DYNC2I1: variants seen among roughly 807,000 people sequenced by gnomAD.
DYNC2I1 encodes the protein dynein 2 intermediate chain 1.
A neutral mutation model predicts 133.4 loss-of-function variants in DYNC2I1; 89 were observed. The observed-to-expected ratio is 0.67, with a 90% CI of 0.56 to 0.80. The LOEUF is 0.80. Ranked by LOEUF, DYNC2I1 falls within the 30% of genes least tolerant of loss-of-function variation. The pLI is 0.00. For missense variants in DYNC2I1, 1,291 were observed against 1,314.5 expected (o/e 0.98, Z 0.28); for synonymous variants, 504 against 484.3 (o/e 1.04, Z -0.54).
chr7:158,867,007 G>T (rs973899460), intron 1 of DYNC2I1, among the ~76,000 whole-genome samples: 5 of 145,242 alleles, frequency 3.4e-5, no homozygotes, highest in East Asian at 2.0e-4. Context: ...TTTTTCATTT[G>T]GACTAAATCT....
downstream of DYNC2I1, among the ~76,000 whole-genome samples, chr7:158,949,558 G>A (rs1851991072): frequency 6.6e-6 from 1 of 152,198 alleles, no homozygotes; most frequent in Admixed American, 6.5e-5. Flanking sequence ...GCAGTGCCGT[G>A]GAACGAATCA....
intron 8 of DYNC2I1, among the ~76,000 whole-genome samples, chr7:158,894,753 G>C (rs1339042211): frequency 6.6e-6 from 1 of 152,190 alleles, no homozygotes; most frequent in Non-Finnish European, 1.5e-5. Flanking sequence ...GTTTAGTTTT[G>C]TTGATAAATT....
chr7:158,906,724 C>G (rs1159152525), intron 11 of DYNC2I1, among the ~76,000 whole-genome samples: 1 of 152,144 alleles, frequency 6.6e-6, no homozygotes, highest in Non-Finnish European at 1.5e-5. Context: ...TCCCAAAGTG[C>G]TGGGATTACA....
intron 1 of DYNC2I1, among the ~76,000 whole-genome samples, chr7:158,860,046 T>G (rs1441217179): frequency 6.8e-6 from 1 of 146,530 alleles, no homozygotes; most frequent in Non-Finnish European, 1.5e-5. Context: ...TGGATTATTT[T>G]GGTATTAGAG....
At chr7:158,923,820 T>A in intron 17 of DYNC2I1, 87 bp downstream of exon 17, 1 of 1,511,124 alleles carries the variant, frequency 6.6e-7, no homozygotes, top group Admixed American at 2.2e-5. Context: ...TTTGCATTTA[T>A]TTATTCACAT....
chr7:158,909,287 C>T (rs1016414783), intron 11 of DYNC2I1, among the ~76,000 whole-genome samples: 3 of 136,872 alleles, frequency 2.2e-5, no homozygotes, highest in Admixed American at 8.0e-5. Flanking sequence ...GCTGAGATCG[C>T]ACCACTGCAC....
At chr7:158,958,558 C>T (rs1430131014), downstream of DYNC2I1, among the ~76,000 whole-genome samples, 1 of 152,222 alleles carries the variant, frequency 6.6e-6, no homozygotes, top group East Asian at 1.9e-4. Flanking sequence ...CACAATAGTT[C>T]AGGGGTGGGG....
rs1842879712 is a variant in DYNC2I1 at position 158,871,568 on chromosome 7, T to G, written c.490+6T>G. 2 of 1,524,050 alleles carry G rather than the reference T, an allele frequency of 1.3e-6. No individual in the cohort carries two copies. The highest frequency in any genetic ancestry group is 4.9e-5 in the East Asian group (2 of 40,826). The allele number at this position is 1,524,050 out of a possible 1,614,324, so 94.4% of individuals were successfully genotyped here. ...GGAGAGGAAAGGCCGCTCAGGTGGG[T>G]CCCCGCTTGCCTTCCTGTGGTTCCA... is the stretch of plus-strand genomic sequence containing the variant. On this transcript the variant is annotated splice_donor_region_variant and intron_variant, in intron 3 of 24. Transcript: ENST00000407559.
chr7:158,921,189 T>A (rs1849042509), intron 15 of DYNC2I1, among the ~76,000 whole-genome samples: 1 of 152,162 alleles, frequency 6.6e-6, no homozygotes, highest in Non-Finnish European at 1.5e-5. Context: ...AGAGGAGGCC[T>A]CACTGTGAGT....
chr7:158,876,520 T>C, intron 3 of DYNC2I1, 89 bp from the exon 4 acceptor site: 4 of 1,426,110 alleles, frequency 2.8e-6, no homozygotes, highest in Non-Finnish European at 3.7e-6. Context: ...GAATATAAAA[T>C]GTGCAATACC....
intron 1 of DYNC2I1, among the ~76,000 whole-genome samples, chr7:158,867,474 C>G (rs1842509581): frequency 6.6e-6 from 1 of 152,188 alleles, no homozygotes; most frequent in Non-Finnish European, 1.5e-5. Flanking sequence ...TCGGGGAGAC[C>G]AGCGCGGATC....
intron 8 of DYNC2I1, among the ~76,000 whole-genome samples, chr7:158,898,979 C>G (rs555498693): frequency 6.6e-6 from 1 of 151,902 alleles, no homozygotes; most frequent in Non-Finnish European, 1.5e-5. Context: ...TGCTGTCATT[C>G]ATTTTACTTG....
At chr7:158,954,685 A>G (rs1852154508) in intron 4 of DYNC2I1, among the ~76,000 whole-genome samples, 2 of 152,240 alleles carry the variant, frequency 1.3e-5, no homozygotes, top group African/African-American at 4.8e-5. Flanking sequence ...TCTAAAAGTA[A>G]TATTTATATA....
intron 23 of DYNC2I1, among the ~76,000 whole-genome samples, chr7:158,935,403 T>C (rs1321207248): frequency 6.6e-6 from 1 of 152,240 alleles, no homozygotes; most frequent in Non-Finnish European, 1.5e-5. Context: ...TTAAATGTGA[T>C]AGTTAACAAG....
chr7:158,928,838 T>C (rs1849894400), intron 20 of DYNC2I1, among the ~76,000 whole-genome samples: 1 of 152,120 alleles, frequency 6.6e-6, no homozygotes. Context: ...CCCAGAACTC[T>C]TGTGACCTTA....
At chr7:158,865,143 C>A (rs1475903729) in intron 1 of DYNC2I1, among the ~76,000 whole-genome samples, 3 of 152,330 alleles carry the variant, frequency 2.0e-5, no homozygotes, top group African/African-American at 7.2e-5. Context: ...TGTGAGTGTC[C>A]TCCCTGAAGT....
At chr7:158,856,420 C>G (rs1584917025), upstream of DYNC2I1, among the ~76,000 whole-genome samples, 1 of 152,262 alleles carries the variant, frequency 6.6e-6, no homozygotes, top group East Asian at 1.9e-4. Flanking sequence ...CTCTGCTGCT[C>G]CTGCCTGGCG....
intron 5 of DYNC2I1, among the ~76,000 whole-genome samples, chr7:158,880,296 G>T (rs1423884235): frequency 6.6e-6 from 1 of 152,172 alleles, no homozygotes; most frequent in Non-Finnish European, 1.5e-5. Flanking sequence ...CAGCACTTTG[G>T]GAGGCCGAGG....
chr7:158,927,394 CCTTGT>C (rs1478254971), intron 20 of DYNC2I1, among the ~76,000 whole-genome samples: 2 of 131,936 alleles, frequency 1.5e-5, no homozygotes, highest in Non-Finnish European at 3.2e-5. Flanking sequence ...TGGAATGAGA[CCTTGT>C]CTCTCTGTTA....
Sources: gnomAD v4.1 joint callset for allele counts (sites outside exome capture counted in the v4.1 genomes callset) on GRCh38, gnomAD v4.1.1 for gene constraint, MANE v1.5 for transcripts, NCBI Gene and HGNC (gene_info 2026-07-23, HGNC 2026-07-21) for gene names.